TRPC7: variants seen among roughly 807,000 people sequenced by gnomAD.
TRPC7 encodes transient receptor potential cation channel subfamily C member 7.
TRPC7 carries 42 observed loss-of-function variants against 90.1 expected under a neutral mutation model. The observed-to-expected ratio is 0.47, with a 90% CI of 0.36 to 0.60. The LOEUF is 0.60. Ranked by LOEUF, TRPC7 falls within the 20% of genes least tolerant of loss-of-function variation. The pLI is 0.00. For missense variants in TRPC7, 955 were observed against 1,112.3 expected (o/e 0.86, Z 2.01); for synonymous variants, 451 against 436.3 (o/e 1.03, Z -0.42).
chr5:136,352,857 C>T (rs1760243135), intron 2 of TRPC7, among the ~76,000 whole-genome samples: 1 of 152,162 alleles, frequency 6.6e-6, no homozygotes, highest in Admixed American at 6.5e-5. Context: ...CCCCAACCAG[C>T]CTGTAAGTTT....
At chr5:136,350,569 G>A (rs908831248) in intron 2 of TRPC7, among the ~76,000 whole-genome samples, 3 of 152,140 alleles carry the variant, frequency 2.0e-5, no homozygotes, top group African/African-American at 7.2e-5. Context: ...GAATGGTCTG[G>A]GAAAAGCATT....
intron 8 of TRPC7, among the ~76,000 whole-genome samples, chr5:136,227,175 G>GA (rs1290970259): frequency 6.6e-6 from 1 of 152,206 alleles, no homozygotes; most frequent in African/African-American, 2.4e-5. Flanking sequence ...GTCAATGCCA[G>GA]AATGCTAAGT....
intron 1 of TRPC7, among the ~76,000 whole-genome samples, chr5:136,358,960 CT>C (rs1176124678): frequency 2.0e-5 from 3 of 152,060 alleles, no homozygotes; most frequent in Non-Finnish European, 4.4e-5. Flanking sequence ...AGAGAATTGT[CT>C]TTTTTTAATT....
At chr5:136,232,674 C>T (rs1479721492) in intron 7 of TRPC7, among the ~76,000 whole-genome samples, 1 of 152,142 alleles carries the variant, frequency 6.6e-6, no homozygotes. Context: ...TGAATAAGAC[C>T]CAAGTGCATT....
At chr5:136,244,134 C>T (rs1002834724) in intron 7 of TRPC7, among the ~76,000 whole-genome samples, 18 of 151,902 alleles carry the variant, frequency 1.2e-4, no homozygotes, top group East Asian at 1.9e-4. Context: ...CTCTCTCTTT[C>T]GCCCTCCCCT....
chr5:136,324,053 A>G (rs1315995291), intron 2 of TRPC7, among the ~76,000 whole-genome samples: 1 of 151,984 alleles, frequency 6.6e-6, no homozygotes, highest in East Asian at 1.9e-4. Flanking sequence ...TATATCTAGT[A>G]TTTCATTTTT....
intron 7 of TRPC7, among the ~76,000 whole-genome samples, chr5:136,232,324 C>G (rs867309267): frequency 3.3e-5 from 5 of 152,186 alleles, no homozygotes; most frequent in Non-Finnish European, 1.5e-5. Context: ...GATGGCATCC[C>G]TGGAGTCTGA....
At chr5:136,320,707 G>C (rs1187663445) in intron 2 of TRPC7, among the ~76,000 whole-genome samples, 1 of 152,084 alleles carries the variant, frequency 6.6e-6, no homozygotes, top group Non-Finnish European at 1.5e-5. Flanking sequence ...AGCCACTCTG[G>C]TGCCCCTGCT....
chr5:136,285,260 T>G (rs1757674771), intron 3 of TRPC7, among the ~76,000 whole-genome samples: 1 of 152,190 alleles, frequency 6.6e-6, no homozygotes, highest in Non-Finnish European at 1.5e-5. Context: ...GGGCCAGATA[T>G]GCATAGTGTG....
intron 3 of TRPC7, among the ~76,000 whole-genome samples, chr5:136,307,412 C>T (rs1758674770): frequency 6.6e-6 from 1 of 152,180 alleles, no homozygotes; most frequent in Non-Finnish European, 1.5e-5. Flanking sequence ...GAGGCTGAGG[C>T]ACTGGTGCTT....
At chr5:136,223,784 A>G (rs1232755473) in intron 10 of TRPC7, among the ~76,000 whole-genome samples, 2 of 152,174 alleles carry the variant, frequency 1.3e-5, no homozygotes, top group Non-Finnish European at 2.9e-5. Context: ...CCCATTGGGT[A>G]TCTATCTTTT....
chr5:136,320,186 T>C (rs1759147952), intron 2 of TRPC7, among the ~76,000 whole-genome samples: 1 of 152,232 alleles, frequency 6.6e-6, no homozygotes, highest in African/African-American at 2.4e-5. Context: ...AATTTATCCT[T>C]GATTGCTACC....
At chr5:136,287,723 A>AAAACC (rs1757775570) in intron 3 of TRPC7, among the ~76,000 whole-genome samples, 4 of 127,662 alleles carry the variant, frequency 3.1e-5, no homozygotes, top group Non-Finnish European at 5.1e-5. Flanking sequence ...AAAAAAAAAA[A>AAAACC]AAAAAACCCA....
At position 136,229,635 on chromosome 5, in the gene TRPC7, A is replaced by G. The variant is rs372746537; in HGVS notation, c.2040+1719T>C. On this transcript the variant is annotated intron_variant, in intron 8 of 11. Transcript: ENST00000513104. ...AAGCAGAGAGGCTCAGAAGGAGCCA[A>G]CCCTGCTGATGTTGATCTTGGACTT... Among the ~76,000 whole-genome samples the G allele has an allele frequency of 3.9e-5, 6 of 152,292 alleles. No individual in the cohort carries two copies. The East Asian group carries it at 5.8e-4, about 15-fold the overall frequency.
chr5:136,347,632 C>A (rs901067121), intron 2 of TRPC7, among the ~76,000 whole-genome samples: 2 of 152,170 alleles, frequency 1.3e-5, no homozygotes, highest in African/African-American at 4.8e-5. Flanking sequence ...CCAATACATC[C>A]GCTTTGCAAA....
chr5:136,351,634 A>T (rs1240363792), intron 2 of TRPC7, among the ~76,000 whole-genome samples: 1 of 152,148 alleles, frequency 6.6e-6, no homozygotes, highest in East Asian at 1.9e-4. Flanking sequence ...GCACAACAAG[A>T]CAAAGTCACT....
intron 3 of TRPC7, among the ~76,000 whole-genome samples, chr5:136,289,444 C>T (rs1423865124): frequency 6.6e-6 from 1 of 152,236 alleles, no homozygotes; most frequent in Non-Finnish European, 1.5e-5. Context: ...CACTCCCACC[C>T]TAATACTGCG....
intron 2 of TRPC7, among the ~76,000 whole-genome samples, chr5:136,333,866 G>C (rs1188371446): frequency 6.6e-6 from 1 of 152,116 alleles, no homozygotes; most frequent in Admixed American, 6.5e-5. Flanking sequence ...ATTTTCTACA[G>C]TAATCATGCA....
chr5:136,310,004 AAAT>A (rs1354108287), intron 3 of TRPC7, among the ~76,000 whole-genome samples: 1 of 152,122 alleles, frequency 6.6e-6, no homozygotes, highest in Non-Finnish European at 1.5e-5. Flanking sequence ...TTCTTTAGAA[AAAT>A]AATAAAAAGA....
Sources: allele counts gnomAD v4.1 joint callset (sites outside exome capture counted in the v4.1 genomes callset), GRCh38; gene constraint gnomAD v4.1.1; transcripts MANE v1.5; gene names NCBI Gene and HGNC (gene_info 2026-07-23, HGNC 2026-07-21).